Variants in FOXP1 observed in about 807,000 individuals in gnomAD.
The protein encoded by FOXP1 is forkhead box protein P1.
Under a neutral mutation model 98.2 loss-of-function variants are expected in FOXP1, and 15 were observed. The observed-to-expected ratio is 0.15, with a 90% CI of 0.10 to 0.24. FOXP1 has a LOEUF of 0.24. Among genes scored for constraint, FOXP1 ranks in the 10% least tolerant of loss-of-function variants. The probability of loss-of-function intolerance (pLI) is 1.00; values close to 1 mark genes in which losing one functional copy is unlikely to be tolerated. For synonymous variants in FOXP1, 371 were observed against 314.5 expected (o/e 1.18, Z -1.90); for missense variants, 633 against 848.5 (o/e 0.75, Z 3.15).
intron 6 of FOXP1, among the ~76,000 whole-genome samples, chr3:71,128,742 G>T (rs2059387319): frequency 6.6e-6 from 1 of 152,056 alleles, no homozygotes. Context: ...TAAGTGAACT[G>T]TCTAGAAAAA....
At chr3:71,070,816 C>T (rs187616133) in intron 7 of FOXP1, among the ~76,000 whole-genome samples, 7 of 152,308 alleles carry the variant, frequency 4.6e-5, no homozygotes, top group Non-Finnish European at 8.8e-5. Context: ...AAAAATATAT[C>T]TCCAAGACGG....
At chr3:71,013,992 A>G (rs549163735) in intron 12 of FOXP1, among the ~76,000 whole-genome samples, 1 of 152,312 alleles carries the variant, frequency 6.6e-6, no homozygotes, top group Admixed American at 6.5e-5. Flanking sequence ...CTTATACAAA[A>G]ATTAATTCAA....
intron 2 of FOXP1, among the ~76,000 whole-genome samples, chr3:71,513,421 A>C (rs909411228): frequency 1.2e-4 from 18 of 152,144 alleles, no homozygotes; most frequent in African/African-American, 3.9e-4. Flanking sequence ...AGATATAAAA[A>C]GCCAGTACTC....
At chr3:71,184,547 C>CGT (rs963173585) in intron 6 of FOXP1, among the ~76,000 whole-genome samples, 3 of 152,148 alleles carry the variant, frequency 2.0e-5, no homozygotes, top group African/African-American at 4.8e-5. Flanking sequence ...TCAGAGCTGG[C>CGT]GTGTACAGTG....
intron 18 of FOXP1, chr3:70,972,219 C>T: frequency 1.3e-6 from 2 of 1,484,786 alleles, no homozygotes; most frequent in Non-Finnish European, 8.9e-7. Flanking sequence ...GGAGTGGCAA[C>T]AAAAGGAGAC....
intron 20 of FOXP1, among the ~76,000 whole-genome samples, chr3:70,964,294 C>T (rs1373858114): frequency 2.0e-5 from 3 of 152,164 alleles, no homozygotes; most frequent in Non-Finnish European, 4.4e-5. Flanking sequence ...GGGGTTAATT[C>T]AAATTTGTTA....
intron 6 of FOXP1, among the ~76,000 whole-genome samples, chr3:71,194,250 C>T (rs1382973531): frequency 7.0e-6 from 1 of 142,724 alleles, no homozygotes; most frequent in Admixed American, 7.0e-5. Flanking sequence ...AATAAAACTG[C>T]CAGGTGGTAC....
At chr3:71,545,031 C>T (rs905359024) in intron 2 of FOXP1, among the ~76,000 whole-genome samples, 9 of 152,130 alleles carry the variant, frequency 5.9e-5, no homozygotes, top group South Asian at 2.1e-4. Context: ...CAAGTCACCA[C>T]GCTTGCAGTC....
At chr3:71,136,046 ACACC>A (rs1258517468) in intron 6 of FOXP1, among the ~76,000 whole-genome samples, 2 of 152,086 alleles carry the variant, frequency 1.3e-5, no homozygotes, top group Non-Finnish European at 1.5e-5. Context: ...TCTCACCCTA[ACACC>A]CAGAGTTAAA....
chr3:71,022,656 T>C (rs1366941602), intron 11 of FOXP1, among the ~76,000 whole-genome samples: 5 of 152,176 alleles, frequency 3.3e-5, no homozygotes. Flanking sequence ...GAGCATAGTG[T>C]TGGGAGGCCT....
chr3:71,333,201 T>G (rs1164418850), intron 4 of FOXP1: 1 of 151,968 alleles, frequency 6.6e-6, no homozygotes, highest in Non-Finnish European at 1.5e-5. Flanking sequence ...CTCCCCAAAG[T>G]AGAGAAGAAT....
intron 3 of FOXP1, among the ~76,000 whole-genome samples, chr3:71,420,713 C>CTTT (rs72420028): frequency 2.7e-5 from 4 of 145,680 alleles, no homozygotes; most frequent in African/African-American, 1.0e-4. Flanking sequence ...CCTTTTTTTT[C>CTTT]TTTTTTTTTT....
chr3:71,193,143 T>C (rs2063092967), intron 6 of FOXP1, among the ~76,000 whole-genome samples: 1 of 151,328 alleles, frequency 6.6e-6, no homozygotes, highest in Non-Finnish European at 1.5e-5. Flanking sequence ...GTTGTTGTTG[T>C]TGTTTATTTG....
chr3:71,362,489 A>T (rs1389965666), intron 3 of FOXP1, among the ~76,000 whole-genome samples: 1 of 152,046 alleles, frequency 6.6e-6, no homozygotes, highest in East Asian at 1.9e-4. Context: ...TACTTTTTTG[A>T]GAAAGGGTCT....
rs182238252 is a variant in FOXP1, at chr3:71,044,561, T to C, written c.664+2381A>G. On this transcript the variant is annotated intron_variant, in intron 10 of 20. Coordinates refer to ENST00000649528, the MANE Select transcript of FOXP1 (RefSeq NM_001349338.3). ...CTTCAAAATATTAATTCTCTATCTA[T>C]TCCTATACTTGACATTTACATGTTT... 1.3e-3 allele frequency among the ~76,000 whole-genome samples: 204 copies of C among 152,348 alleles called. 1 individual carries two copies. The highest frequency in any genetic ancestry group is 3.7e-3 in the Admixed American group (56 of 15,298).
intron 5 of FOXP1, among the ~76,000 whole-genome samples, chr3:71,201,627 G>A (rs938741581): frequency 6.6e-5 from 10 of 151,242 alleles, no homozygotes; most frequent in Admixed American, 4.6e-4. Flanking sequence ...GCTCTGTCTC[G>A]AAAAAAGGGG....
Position 70,958,216 on chromosome 3 carries a change from A to T in FOXP1, c.*1031T>A, listed in dbSNP as rs1217994867. The T allele has an allele frequency of 8.5e-6, 4 of 472,142 alleles. No homozygotes were observed. The highest frequency in any genetic ancestry group is 6.0e-5 in the African/African-American group (3 of 50,004). The allele number at this position is 472,142 out of a possible 1,614,324, so 29.2% of individuals were successfully genotyped here. A position where few individuals can be genotyped will look rare whatever the true frequency, so the allele number is the denominator to read the frequency against. On this transcript the variant is annotated 3_prime_UTR_variant, in exon 21 of 21. Transcript: ENST00000649528. ...TGCTGCAAAAAAAAAAAAAGAAAAG[A>T]AAAGAAAAAAAGAAAATCCGAAACA...
chr3:71,272,169 T>C (rs2070429421), intron 5 of FOXP1, among the ~76,000 whole-genome samples: 1 of 152,170 alleles, frequency 6.6e-6, no homozygotes, highest in Non-Finnish European at 1.5e-5. Flanking sequence ...ATTATATCTG[T>C]CAACATTCTA....
chr3:71,468,567 A>AC (rs1234038048), intron 3 of FOXP1, among the ~76,000 whole-genome samples: 1 of 151,570 alleles, frequency 6.6e-6, no homozygotes, highest in African/African-American at 2.4e-5. Flanking sequence ...ACTCCCACCC[A>AC]CCCCCAAACC....
Sources: allele counts gnomAD v4.1 joint callset (sites outside exome capture counted in the v4.1 genomes callset), GRCh38; gene constraint gnomAD v4.1.1; transcripts MANE v1.5; gene names NCBI Gene and HGNC (gene_info 2026-07-23, HGNC 2026-07-21).